Variants in FUBP1 observed in about 807,000 individuals in gnomAD.
FUBP1 encodes the protein far upstream element binding protein 1, also known as far upstream element-binding protein 1.
In FUBP1, 16 loss-of-function variants were observed where a neutral mutation model predicts 94.9. The ratio of observed to expected loss-of-function variants is 0.17; its 90% CI spans 0.11 to 0.26. The LOEUF (loss-of-function observed/expected upper bound fraction) is 0.26. Ranked by LOEUF, FUBP1 falls within the 10% of genes least tolerant of loss-of-function variation. FUBP1 has a pLI of 1.00. For missense variants in FUBP1, 583 were observed against 808.6 expected (o/e 0.72, Z 3.38); for synonymous variants, 279 against 254.9 (o/e 1.09, Z -0.90).
At chr1:77,957,505 A>C (rs1289513704) in intron 16 of FUBP1, among the ~76,000 whole-genome samples, 1 of 152,222 alleles carries the variant, frequency 6.6e-6, no homozygotes, top group Non-Finnish European at 1.5e-5. Context: ...CATCAACTGA[A>C]GTGCGAACAG....
intron 1 of FUBP1, among the ~76,000 whole-genome samples, chr1:77,971,911 G>A (rs1657613772): frequency 6.6e-6 from 1 of 151,176 alleles, no homozygotes; most frequent in Non-Finnish European, 1.5e-5. Flanking sequence ...AGGCTCAGGT[G>A]GGAGAACTGC....
At chr1:77,953,322 T>C (rs111361013) in intron 18 of FUBP1, among the ~76,000 whole-genome samples, 1 of 151,620 alleles carries the variant, frequency 6.6e-6, no homozygotes, top group African/African-American at 2.4e-5. Flanking sequence ...AAAGCCCGTA[T>C]CTACTAAATA....
intron 3 of FUBP1, 49 bp downstream of exon 3, chr1:77,968,116 A>G: frequency 8.3e-7 from 1 of 1,206,562 alleles, no homozygotes. Flanking sequence ...AAATCTTAAC[A>G]TTGAAATTGT....
At chr1:77,973,908 T>C (rs1172868130) in intron 1 of FUBP1, among the ~76,000 whole-genome samples, 1 of 152,194 alleles carries the variant, frequency 6.6e-6, no homozygotes, top group African/African-American at 2.4e-5. Flanking sequence ...GTTGTAATTG[T>C]TCTATTTTAT....
intron 12 of FUBP1, 126 bp downstream of exon 12, chr1:77,963,936 A>G: frequency 1.4e-6 from 1 of 722,818 alleles, no homozygotes; most frequent in Non-Finnish European, 2.4e-6. Flanking sequence ...CCTTAAAGCA[A>G]TTTAAACTTT....
At chr1:77,975,689 C>T (rs973270042) in intron 1 of FUBP1, among the ~76,000 whole-genome samples, 1 of 152,086 alleles carries the variant, frequency 6.6e-6, no homozygotes. Context: ...ACAGAAGTTG[C>T]TATTAGTACC....
intron 1 of FUBP1, among the ~76,000 whole-genome samples, chr1:77,976,792 C>T (rs991288717): frequency 3.9e-5 from 6 of 152,196 alleles, no homozygotes; most frequent in African/African-American, 1.4e-4. Context: ...CGTACCCGGC[C>T]TGAAATCCAA....
chr1:77,944,537 T>C lies in FUBP1; in HGVS notation c.*4229A>G, dbSNP rs940019290. Among the ~76,000 whole-genome samples the C allele has an allele frequency of 1.3e-5, 2 of 151,938 alleles. No homozygotes were observed. Among genetic ancestry groups the C allele is most frequent in the South Asian group, 4.1e-4 (2 of 4,834 alleles). ...TATCTTTAATTAGGTATTGTTATAA[T>C]GCATTTTAAAGTGAGGCAGAGTTTG... On this transcript the variant is annotated 3_prime_UTR_variant, in exon 20 of 20. Transcript: ENST00000370768.
intron 1 of FUBP1, among the ~76,000 whole-genome samples, chr1:77,970,557 G>A (rs1461409766): frequency 6.6e-6 from 1 of 152,066 alleles, no homozygotes; most frequent in Non-Finnish European, 1.5e-5. Context: ...GTAATATTTT[G>A]GATATGCTGG....
rs1334053262 is a variant in FUBP1, at chr1:77,947,492, C to T, written c.*1274G>A. Reference sequence around the variant, plus strand: ...TGAAGGAACACAATCAAGGATGATACACAGCACAGTCCTCCTCACCCCTAC... The same window carrying T: ...TGAAGGAACACAATCAAGGATGATATACAGCACAGTCCTCCTCACCCCTAC... On this transcript the variant is annotated 3_prime_UTR_variant, in exon 20 of 20. Transcript: ENST00000370768. 3.9e-5 allele frequency: 51 copies of T among 1,311,492 alleles called. No homozygotes were observed. The highest frequency in any genetic ancestry group is 5.1e-5 in the Non-Finnish European group (50 of 989,318). The allele number at this position is 1,311,492 out of a possible 1,614,324, so 81.2% of individuals were successfully genotyped here.
At chr1:77,974,999 A>G (rs532958303) in intron 1 of FUBP1, among the ~76,000 whole-genome samples, 10 of 152,344 alleles carry the variant, frequency 6.6e-5, no homozygotes, top group African/African-American at 2.4e-4. Context: ...CAAATCCTTC[A>G]GTATACTTAA....
intron 1 of FUBP1, among the ~76,000 whole-genome samples, chr1:77,973,917 ATTTT>A (rs908748755): frequency 6.6e-6 from 1 of 151,838 alleles, no homozygotes; most frequent in African/African-American, 2.4e-5. Flanking sequence ...GTTCTATTTT[ATTTT>A]TTTAATTAAA....
chr1:77,958,637 C>A (rs1654910010), intron 16 of FUBP1, among the ~76,000 whole-genome samples: 1 of 152,198 alleles, frequency 6.6e-6, no homozygotes. Flanking sequence ...CATTCACTGA[C>A]CAGCTCTTAC....
In FUBP1 at chr1:77,956,751, T is replaced by TCACACA. The variant is rs369403301; in HGVS notation, c.1577-57_1577-52dup. ...TGCATGTGAAGTCTGTAATTCTCTC[T>TCACACA]CACACACACACACACCACCCCCCCG... On this transcript the variant is annotated intron_variant, in intron 16 of 19. Transcript: ENST00000370768. 5.1e-6 allele frequency: 7 copies of TCACACA among 1,382,410 alleles called. No individual in the cohort carries two copies. The South Asian group carries it at 8.9e-5, about 18-fold the overall frequency. The allele number at this position is 1,382,410 out of a possible 1,614,324, so 85.6% of individuals were successfully genotyped here. A position where few individuals can be genotyped will look rare whatever the true frequency, so the allele number is the denominator to read the frequency against.
intron 1 of FUBP1, among the ~76,000 whole-genome samples, chr1:77,973,489 A>AG (rs776146647): frequency 4.9e-5 from 6 of 121,736 alleles, no homozygotes; most frequent in Non-Finnish European, 8.7e-5. Flanking sequence ...CAAGTGATCC[A>AG]CCCGCCTCAG....
chr1:77,949,997 C>T lies in FUBP1; in HGVS notation c.1781-697G>A, dbSNP rs531424095. Reference sequence around the variant, plus strand: ...CAGCTTTCACAATCAGGTCTTTTTCCAAATAAGGTGACTTTGCTGAATTAA... The same window carrying T: ...CAGCTTTCACAATCAGGTCTTTTTCTAAATAAGGTGACTTTGCTGAATTAA... On this transcript the variant is annotated intron_variant, in intron 18 of 19. Transcript: ENST00000370768. Among the ~76,000 whole-genome samples, 14 of 152,182 alleles carry T rather than the reference C, an allele frequency of 9.2e-5. No individual in the cohort carries two copies. The South Asian group carries it at 2.9e-3, about 32-fold the overall frequency.
At chr1:77,964,770 AT>A in intron 9 of FUBP1, 23 bp from the exon 10 acceptor site, 1 of 1,558,506 alleles carries the variant, frequency 6.4e-7, no homozygotes, top group Non-Finnish European at 8.9e-7. Flanking sequence ...AAGTTAGCTA[AT>A]TTAGAAAGCA....
In FUBP1 at chr1:77,971,702, T is replaced by TA. The variant is rs57728377; in HGVS notation, c.121-1688dup. 4.2e-3 allele frequency among the ~76,000 whole-genome samples: 569 copies of TA among 136,506 alleles called. 3 individuals are homozygous for TA. The highest frequency in any genetic ancestry group is 0.011 in the African/African-American group (409 of 36,586). The allele number at this position is 136,506 out of a possible 152,430, so 89.6% of individuals were successfully genotyped here. A position where few individuals can be genotyped will look rare whatever the true frequency, so the allele number is the denominator to read the frequency against. On this transcript the variant is annotated intron_variant, in intron 1 of 19. Transcript: ENST00000370768. Reference sequence around the variant, plus strand: ...TAGGATCAAGTACTAGATTGCTTGATAAAAAAAAAAAAAGGTACACTCTCA... The same window carrying TA: ...TAGGATCAAGTACTAGATTGCTTGATAAAAAAAAAAAAAAGGTACACTCTCA...
chr1:77,955,152 T>C (rs1233146598), intron 18 of FUBP1, 103 bp downstream of exon 18: 6 of 620,348 alleles, frequency 9.7e-6, no homozygotes, highest in Middle Eastern at 2.8e-4. Flanking sequence ...TGTCTTGATA[T>C]GTTTACAAGT....
Sources: allele counts gnomAD v4.1 joint callset (sites outside exome capture counted in the v4.1 genomes callset), GRCh38; gene constraint gnomAD v4.1.1; transcripts MANE v1.5; gene names NCBI Gene and HGNC (gene_info 2026-07-23, HGNC 2026-07-21).